ACOT7: variants seen among roughly 807,000 people sequenced by gnomAD.
ACOT7 encodes the protein acyl-CoA thioesterase 7.
Under a neutral mutation model 40.2 loss-of-function variants are expected in ACOT7, and 12 were observed. The ratio of observed to expected loss-of-function variants is 0.30; its 90% CI spans 0.19 to 0.48. ACOT7 has a LOEUF of 0.48. ACOT7 is among the 20% of genes least tolerant of loss of function. The pLI is 0.99. For missense variants in ACOT7, 395 were observed against 530.8 expected (o/e 0.74, Z 2.51); for synonymous variants, 228 against 219.5 (o/e 1.04, Z -0.34).
chr1:6,370,623 G>A (rs1238134285), intron 1 of ACOT7, among the ~76,000 whole-genome samples: 1 of 151,196 alleles, frequency 6.6e-6, no homozygotes, highest in East Asian at 1.9e-4. Flanking sequence ...CCAAGTAGCT[G>A]GGATTACAGG....
rs114256371 is a variant in ACOT7, at chr1:6,383,482, C to T, written c.143+9775G>A. Among the ~76,000 whole-genome samples, 835 of 150,632 alleles carry T rather than the reference C, an allele frequency of 5.5e-3. 30 individuals carry two copies. Among genetic ancestry groups the T allele is most frequent in the Non-Finnish European group, 7.1e-3 (478 of 67,536 alleles). On this transcript the variant is annotated intron_variant, in intron 1 of 8. Coordinates refer to ENST00000361521, the MANE Select transcript of ACOT7 (RefSeq NM_007274.4). ...GATTACAGGCGTGAGTCACCGCGCC[C>T]GGCCTGATGGCAGATTTTTTTAACG...
chr1:6,277,658 C>A (rs916201056), intron 8 of ACOT7, among the ~76,000 whole-genome samples: 10 of 152,260 alleles, frequency 6.6e-5, no homozygotes, highest in African/African-American at 2.4e-4. Context: ...CACAAGACAG[C>A]TCCTGCCCTT....
chr1:6,279,296 T>A (rs985268001), intron 8 of ACOT7, among the ~76,000 whole-genome samples: 1 of 144,606 alleles, frequency 6.9e-6, no homozygotes, highest in Non-Finnish European at 1.5e-5. Context: ...CAAGGGCCGA[T>A]GGGTGGCACG....
chr1:6,305,822 G>A (rs542406436), intron 6 of ACOT7, among the ~76,000 whole-genome samples: 1 of 152,148 alleles, frequency 6.6e-6, no homozygotes, highest in Non-Finnish European at 1.5e-5. Flanking sequence ...CGGCACTTTG[G>A]GGGGCCAAGG....
intron 3 of ACOT7, among the ~76,000 whole-genome samples, chr1:6,335,192 G>C (rs1419756125): frequency 6.6e-6 from 1 of 151,850 alleles, no homozygotes; most frequent in African/African-American, 2.4e-5. Context: ...TTAGCCGGGC[G>C]TGGTGGTGCC....
intron 5 of ACOT7, among the ~76,000 whole-genome samples, chr1:6,321,843 G>A (rs1223517376): frequency 6.6e-6 from 1 of 152,170 alleles, no homozygotes; most frequent in African/African-American, 2.4e-5. Context: ...GTCTCCTTCC[G>A]TTCCCAGGTC....
chr1:6,388,622 C>G (rs1340484505), intron 1 of ACOT7, among the ~76,000 whole-genome samples: 1 of 148,628 alleles, frequency 6.7e-6, no homozygotes, highest in Non-Finnish European at 1.5e-5. Context: ...GCCTGTAGTC[C>G]CAGCTACTCG....
At chr1:6,312,472 T>C (rs1640366338) in intron 6 of ACOT7, among the ~76,000 whole-genome samples, 1 of 151,450 alleles carries the variant, frequency 6.6e-6, no homozygotes, top group African/African-American at 2.4e-5. Flanking sequence ...TTTCTTTATT[T>C]CTTTATTTCG....
intron 6 of ACOT7, among the ~76,000 whole-genome samples, chr1:6,315,790 T>C (rs1640475915): frequency 6.8e-6 from 1 of 146,622 alleles, no homozygotes; most frequent in Admixed American, 6.7e-5. Context: ...GAGAGAAGGT[T>C]AAGCTTGGTA....
intron 1 of ACOT7, among the ~76,000 whole-genome samples, chr1:6,367,198 C>CAA (rs1192859880): frequency 2.2e-4 from 23 of 103,180 alleles, no homozygotes; most frequent in Admixed American, 3.0e-4. Flanking sequence ...GACTCCATTT[C>CAA]AAAAAAAAAA....
chr1:6,376,727 CA>C (rs74829338), intron 1 of ACOT7, among the ~76,000 whole-genome samples: 19,029 of 94,606 alleles, frequency 0.2, 1,644 homozygotes, highest in African/African-American at 0.34. Context: ...AACTCCATCC[CA>C]AAAAAAAAAA....
chr1:6,271,292 T>C (rs1191981539), intron 8 of ACOT7, among the ~76,000 whole-genome samples: 1 of 152,216 alleles, frequency 6.6e-6, no homozygotes, highest in Admixed American at 6.5e-5. Context: ...TTGTAATTAA[T>C]GAATGGCGTA....
rs528166105 is a variant in ACOT7, at chr1:6,302,712, C to T, written c.713-7732G>A. 8.0e-4 allele frequency among the ~76,000 whole-genome samples: 121 copies of T among 152,176 alleles called. No homozygotes were observed. In the South Asian group the frequency reaches 0.014, roughly 18 times the overall value. On this transcript the variant is annotated intron_variant, in intron 6 of 8. Transcript: ENST00000361521. ...TTGATCACAAGCCCTCTCCTACCGGCGAGACACAACCCTGGGCATCCTGTT... is the reference window on the plus strand; with the variant it reads ...TTGATCACAAGCCCTCTCCTACCGGTGAGACACAACCCTGGGCATCCTGTT...
At chr1:6,360,655 T>G (rs984660859) in intron 1 of ACOT7, 30 of 1,614,054 alleles carry the variant, frequency 1.9e-5, no homozygotes, top group Non-Finnish European at 2.5e-5. Flanking sequence ...AGGAGCATCG[T>G]CTCCCCACGT....
chr1:6,364,846 CAAAAAAAAAAAAAA>C (rs770975001), intron 1 of ACOT7, among the ~76,000 whole-genome samples: 16 of 37,530 alleles, frequency 4.3e-4, no homozygotes, highest in Non-Finnish European at 6.7e-4. Flanking sequence ...GACTCCATCT[CAAAAAAAAAAAAAA>C]AAAAAAAAAA....
intron 6 of ACOT7, among the ~76,000 whole-genome samples, chr1:6,296,507 T>G (rs952294095): frequency 6.6e-6 from 1 of 151,778 alleles, no homozygotes; most frequent in Non-Finnish European, 1.5e-5. Flanking sequence ...CACCGCAACC[T>G]CTGCCTCCCA....
intron 1 of ACOT7, among the ~76,000 whole-genome samples, chr1:6,365,003 A>G (rs1441099321): frequency 1.3e-5 from 2 of 151,788 alleles, no homozygotes; most frequent in Non-Finnish European, 2.9e-5. Flanking sequence ...AGCCTGAGCA[A>G]CAAGAGTGAG....
chr1:6,272,858 G>A (rs1283560106), intron 8 of ACOT7, among the ~76,000 whole-genome samples: 5 of 152,166 alleles, frequency 3.3e-5, no homozygotes, highest in African/African-American at 7.2e-5. Context: ...ATGCTCCCTC[G>A]GTTCACTGAA....
chr1:6,324,883 G>C (rs571948707), intron 5 of ACOT7, among the ~76,000 whole-genome samples: 16 of 152,180 alleles, frequency 1.1e-4, no homozygotes, highest in Non-Finnish European at 2.2e-4. Flanking sequence ...CTAGGGATTT[G>C]AATGTGGACA....
Sources: gnomAD v4.1 joint callset for allele counts (sites outside exome capture counted in the v4.1 genomes callset) on GRCh38, gnomAD v4.1.1 for gene constraint, MANE v1.5 for transcripts, NCBI Gene and HGNC (gene_info 2026-07-23, HGNC 2026-07-21) for gene names.